CHP1: variants seen among roughly 807,000 people sequenced by gnomAD.
CHP1 encodes the protein calcineurin B homologous protein 1.
A neutral mutation model predicts 27.4 loss-of-function variants in CHP1; 11 were observed. The ratio of observed to expected loss-of-function variants is 0.40; its 90% CI spans 0.25 to 0.67. CHP1 has a LOEUF of 0.67. CHP1 is among the 30% of genes least tolerant of loss of function. The pLI, the probability that CHP1 is intolerant of heterozygous loss-of-function variation, is 0.38. For missense variants in CHP1, 169 were observed against 251.3 expected (o/e 0.67, Z 2.22); for synonymous variants, 89 against 87.4 (o/e 1.02, Z -0.10).
intron 4 of CHP1, among the ~76,000 whole-genome samples, chr15:41,267,488 C>A (rs1212582222): frequency 6.6e-6 from 1 of 151,552 alleles, no homozygotes; most frequent in Non-Finnish European, 1.5e-5. Flanking sequence ...ATGGTGAAAC[C>A]CTGTCTCTAC....
At chr15:41,255,676 T>A (rs891608287) in intron 2 of CHP1, among the ~76,000 whole-genome samples, 3 of 151,446 alleles carry the variant, frequency 2.0e-5, no homozygotes, top group Admixed American at 6.6e-5. Context: ...CTCAAAAAAA[T>A]AAAAATAAAG....
intron 5 of CHP1, among the ~76,000 whole-genome samples, chr15:41,274,133 G>C (rs1448059187): frequency 6.6e-6 from 1 of 151,814 alleles, no homozygotes; most frequent in Non-Finnish European, 1.5e-5. Flanking sequence ...GCTAATTTTT[G>C]TATTTTTAGT....
intron 1 of CHP1, among the ~76,000 whole-genome samples, chr15:41,239,324 T>TG (rs1035525726): frequency 1.1e-4 from 16 of 151,940 alleles, no homozygotes; most frequent in African/African-American, 3.6e-4. Flanking sequence ...AAGATAGTTT[T>TG]TTTTTTTTTA....
chr15:41,235,468 G>A (rs2047272158), intron 1 of CHP1, among the ~76,000 whole-genome samples: 1 of 152,178 alleles, frequency 6.6e-6, no homozygotes, highest in Non-Finnish European at 1.5e-5. Context: ...AGGCTGCAGT[G>A]AGCCATGTTC....
intron 3 of CHP1, among the ~76,000 whole-genome samples, chr15:41,258,695 A>G (rs1291785920): frequency 2.0e-5 from 3 of 152,184 alleles, no homozygotes; most frequent in Non-Finnish European, 4.4e-5. Flanking sequence ...TACTGATTTG[A>G]TTAGGTACCT....
At chr15:41,266,791 G>A (rs2047463371) in intron 4 of CHP1, among the ~76,000 whole-genome samples, 1 of 152,158 alleles carries the variant, frequency 6.6e-6, no homozygotes, top group Admixed American at 6.6e-5. Flanking sequence ...CATGAGATCA[G>A]AAGTTCGAGA....
At chr15:41,240,264 G>T (rs1293245830) in intron 1 of CHP1, among the ~76,000 whole-genome samples, 3 of 152,092 alleles carry the variant, frequency 2.0e-5, no homozygotes, top group Non-Finnish European at 2.9e-5. Flanking sequence ...GAAGTGCTGG[G>T]ATTATAGGCG....
chr15:41,272,889 C>G (rs2047498133), intron 5 of CHP1, among the ~76,000 whole-genome samples: 1 of 151,994 alleles, frequency 6.6e-6, no homozygotes, highest in Admixed American at 6.6e-5. Flanking sequence ...TCCCCTGTCT[C>G]TACTAAAAAT....
intron 2 of CHP1, among the ~76,000 whole-genome samples, chr15:41,251,723 C>T (rs2047367796): frequency 6.6e-6 from 1 of 151,972 alleles, no homozygotes; most frequent in South Asian, 2.1e-4. Flanking sequence ...CTGAAACTAT[C>T]CTGTCTACCC....
intron 1 of CHP1, among the ~76,000 whole-genome samples, chr15:41,236,504 C>T (rs767305259): frequency 6.6e-5 from 10 of 151,900 alleles, no homozygotes; most frequent in Middle Eastern, 3.4e-3. Flanking sequence ...TCAGGTGGTC[C>T]GCTCATCCCA....
intron 4 of CHP1, among the ~76,000 whole-genome samples, chr15:41,263,398 C>T (rs1351056250): frequency 6.6e-6 from 1 of 152,188 alleles, no homozygotes; most frequent in East Asian, 1.9e-4. Flanking sequence ...CAGCTGGATA[C>T]AGTGCAAGAT....
At chr15:41,240,956 G>A (rs1210631630) in intron 1 of CHP1, among the ~76,000 whole-genome samples, 1 of 151,662 alleles carries the variant, frequency 6.6e-6, no homozygotes, top group Non-Finnish European at 1.5e-5. Context: ...TGGTTCAAGT[G>A]ATTCTCCTGC....
chr15:41,257,094 A>G (rs1009582586), intron 3 of CHP1, 104 bp downstream of exon 3: 34 of 800,050 alleles, frequency 4.2e-5, no homozygotes, highest in Middle Eastern at 4.9e-4. Context: ...AGACTGTGAT[A>G]CCCCCTGATT....
intron 1 of CHP1, 58 bp downstream of exon 1, chr15:41,231,507 G>A: frequency 1.3e-6 from 2 of 1,525,876 alleles, no homozygotes; most frequent in Non-Finnish European, 1.8e-6. Context: ...CACAACCAAG[G>A]GCGGCTGTCG....
intron 5 of CHP1, among the ~76,000 whole-genome samples, chr15:41,272,613 G>A (rs1264123813): frequency 1.3e-5 from 2 of 151,760 alleles, no homozygotes; most frequent in Middle Eastern, 6.3e-3. Flanking sequence ...TAGAGATGGG[G>A]TTTCGCCATG....
chr15:41,238,160 C>CAT (rs1199375387), intron 1 of CHP1, among the ~76,000 whole-genome samples: 2 of 151,324 alleles, frequency 1.3e-5, no homozygotes, highest in African/African-American at 4.9e-5. Context: ...GTTTTTTTGG[C>CAT]GTGTGTTTTT....
intron 2 of CHP1, among the ~76,000 whole-genome samples, chr15:41,250,898 C>G (rs541867386): frequency 1.3e-5 from 2 of 151,400 alleles, no homozygotes; most frequent in Non-Finnish European, 2.9e-5. Flanking sequence ...GGCACAATCT[C>G]GGCTCACTGC....
At chr15:41,266,800 G>T (rs1373671321) in intron 4 of CHP1, among the ~76,000 whole-genome samples, 1 of 152,128 alleles carries the variant, frequency 6.6e-6, no homozygotes, top group Non-Finnish European at 1.5e-5. Flanking sequence ...AGAAGTTCGA[G>T]ACCAGCCTGG....
rs764232989 is a variant in CHP1 at position 41,270,550 on chromosome 15, C to G, written c.350-7C>G. The G allele has an allele frequency of 6.2e-7, 1 of 1,612,256 alleles. No homozygotes were observed. The highest frequency in any genetic ancestry group is 1.1e-5 in the South Asian group (1 of 91,022). On this transcript the variant is annotated splice_region_variant and splice_polypyrimidine_tract_variant and intron_variant, in intron 4 of 6. Transcript: ENST00000334660. ...ATTTTGACTAACTTTGTGTTTTTCCCTTACAGTTGCTTTTCGACTATATGA... is the reference window on the plus strand; with the variant it reads ...ATTTTGACTAACTTTGTGTTTTTCCGTTACAGTTGCTTTTCGACTATATGA...
Sources: gnomAD v4.1 joint callset for allele counts (sites outside exome capture counted in the v4.1 genomes callset) on GRCh38, gnomAD v4.1.1 for gene constraint, MANE v1.5 for transcripts, NCBI Gene and HGNC (gene_info 2026-07-23, HGNC 2026-07-21) for gene names.